The following TCAIM variants were observed in gnomAD, a reference collection of about 807,000 sequenced individuals.
The protein encoded by TCAIM is T cell activation inhibitor, mitochondrial.
In TCAIM, 36 loss-of-function variants were observed where a neutral mutation model predicts 58.6. The observed-to-expected ratio is 0.61, with a 90% CI of 0.47 to 0.81. TCAIM has a LOEUF of 0.81. Among genes scored for constraint, TCAIM ranks in the 30% least tolerant of loss-of-function variants. The pLI is 0.00. For missense variants in TCAIM, 466 were observed against 579.6 expected, an observed-to-expected ratio of 0.80 and a Z score of 2.01; for synonymous variants, 172 against 193.6, an observed-to-expected ratio of 0.89 and a Z score of 0.93.
rs759182014 is a variant in TCAIM, at chr3:44,400,512, T to G, written c.1043T>G (p.Phe348Cys). The change falls in exon 9 of 11, where the codon TTT becomes TGT. Residue 348 changes from phenylalanine to cysteine, a missense_variant. Transcript: ENST00000342649. Reference protein sequence around the residue: ...LEEYYSLLDVFYNRLLKSRIL... With the variant: ...LEEYYSLLDVCYNRLLKSRIL... ...GAATATTACTCTCTTCTTGATGTGT[T>G]TTATAATAGACTGTTGAAAAGTAGA... 6.2e-7 allele frequency: 1 copy of G among 1,613,814 alleles called. No homozygotes were observed. The highest frequency in any genetic ancestry group is 1.7e-5 in the Admixed American group (1 of 60,014).
At chr3:44,386,866 C>G (rs1701751694) in intron 5 of TCAIM, among the ~76,000 whole-genome samples, 1 of 152,200 alleles carries the variant, frequency 6.6e-6, no homozygotes. Flanking sequence ...TAGATAGGTT[C>G]CTGGGCAGAA....
chr3:44,396,651 T>A, intron 7 of TCAIM, 92 bp from the exon 8 acceptor site: 1 of 1,468,896 alleles, frequency 6.8e-7, no homozygotes, highest in Non-Finnish European at 9.4e-7. Context: ...AAGCTTCTAC[T>A]GAATTTAATC....
At chr3:44,360,520 T>C (rs1701278878) in intron 3 of TCAIM, among the ~76,000 whole-genome samples, 1 of 151,972 alleles carries the variant, frequency 6.6e-6, no homozygotes, top group Admixed American at 6.6e-5. Context: ...CAAAACTAAA[T>C]ACAAAGTTTA....
intron 9 of TCAIM, chr3:44,400,826 T>G (rs987451912): frequency 1.8e-6 from 1 of 542,428 alleles, no homozygotes; most frequent in Admixed American, 3.4e-5. Context: ...CTGGGCAAAG[T>G]CAATCCAATG....
intron 5 of TCAIM, among the ~76,000 whole-genome samples, chr3:44,377,995 C>T (rs1441100795): frequency 2.0e-5 from 3 of 152,140 alleles, no homozygotes; most frequent in African/African-American, 7.2e-5. Flanking sequence ...GATATATCAA[C>T]AGAGTAAACA....
At chr3:44,347,677 G>T (rs986088742) in intron 1 of TCAIM, among the ~76,000 whole-genome samples, 4 of 152,190 alleles carry the variant, frequency 2.6e-5, no homozygotes, top group African/African-American at 7.2e-5. Context: ...AAATGGAATT[G>T]TAAGGAGAGT....
At chr3:44,403,891 C>T (rs1317152502) in intron 10 of TCAIM, among the ~76,000 whole-genome samples, 1 of 152,108 alleles carries the variant, frequency 6.6e-6, no homozygotes, top group Non-Finnish European at 1.5e-5. Context: ...CAGGCTTCCA[C>T]ACTCAGCATC....
intron 4 of TCAIM, among the ~76,000 whole-genome samples, chr3:44,366,758 G>A (rs1374909516): frequency 1.3e-5 from 2 of 151,486 alleles, no homozygotes; most frequent in Non-Finnish European, 2.9e-5. Flanking sequence ...GAGCCACCGC[G>A]CCCGGCCTAA....
At chr3:44,388,100 A>G (rs890899455) in intron 5 of TCAIM, among the ~76,000 whole-genome samples, 45 of 151,998 alleles carry the variant, frequency 3.0e-4, no homozygotes, top group African/African-American at 1.1e-3. Flanking sequence ...AGTAAGTTGC[A>G]GCCACAATGT....
At chr3:44,344,212 A>G (rs1242845347) in intron 1 of TCAIM, among the ~76,000 whole-genome samples, 1 of 152,010 alleles carries the variant, frequency 6.6e-6, no homozygotes, top group Non-Finnish European at 1.5e-5. Flanking sequence ...GGGTTTTGCC[A>G]TGTTGGCCAG....
At chr3:44,358,131 A>C in intron 3 of TCAIM, 2 of 1,482,912 alleles carry the variant, frequency 1.3e-6, no homozygotes, top group Non-Finnish European at 1.8e-6. Flanking sequence ...TTTTGGTACC[A>C]ATTTTTGAAG....
At chr3:44,366,332 G>C (rs1453680505) in intron 4 of TCAIM, among the ~76,000 whole-genome samples, 1 of 151,488 alleles carries the variant, frequency 6.6e-6, no homozygotes, top group Admixed American at 6.6e-5. Flanking sequence ...CTGTCACCCA[G>C]GCTAGAGTGC....
rs146369697 is a variant in TCAIM, at chr3:44,380,393, A to G, written c.573-12462A>G. Among the ~76,000 whole-genome samples the G allele has an allele frequency of 7.6e-4, 115 of 152,288 alleles. 1 individual carries two copies. The highest frequency in any genetic ancestry group is 2.4e-3 in the African/African-American group (101 of 41,578). ...ACTGAATGTACCCTGAAAATTTTAA[A>G]AAAATGTATGATTAACAATTTTGAG... On this transcript the variant is annotated intron_variant, in intron 5 of 10. Coordinates refer to ENST00000342649, the MANE Select transcript of TCAIM (RefSeq NM_173826.4).
chr3:44,372,028 A>AGGAG, intron 5 of TCAIM, among the ~76,000 whole-genome samples: 1 of 139,078 alleles, frequency 7.2e-6, no homozygotes, highest in East Asian at 2.2e-4. Context: ...GAAGGAAGGA[A>AGGAG]GGAAGGAAGG....
intron 1 of TCAIM, among the ~76,000 whole-genome samples, chr3:44,344,424 A>G (rs1700922232): frequency 6.6e-6 from 1 of 152,196 alleles, no homozygotes; most frequent in Non-Finnish European, 1.5e-5. Context: ...GTGTCAAACT[A>G]TCATAAACCA....
intron 5 of TCAIM, among the ~76,000 whole-genome samples, chr3:44,371,579 G>A (rs1171774859): frequency 6.6e-6 from 1 of 152,132 alleles, no homozygotes; most frequent in Non-Finnish European, 1.5e-5. Flanking sequence ...CCCTTTACCA[G>A]CATGTCTTAC....
At chr3:44,374,894 A>G (rs914068090) in intron 5 of TCAIM, among the ~76,000 whole-genome samples, 5 of 152,194 alleles carry the variant, frequency 3.3e-5, no homozygotes, top group Non-Finnish European at 7.4e-5. Context: ...AATTTATGCA[A>G]TTTTAACTTT....
Position 44,354,919 on chromosome 3 carries a change from A to G in TCAIM, c.29+108A>G, listed in dbSNP as rs1201430719. 2.3e-6 allele frequency: 3 copies of G among 1,316,578 alleles called. No homozygotes were observed. In the East Asian group the frequency reaches 7.3e-5, roughly 32 times the overall value. The allele number at this position is 1,316,578 out of a possible 1,614,324, so 81.6% of individuals were successfully genotyped here. ...ATTTTTCCAATTCTGAAGTTATATT[A>G]TGGTGGAAAGCTGGAACAAAAAGAA... is the stretch of plus-strand genomic sequence containing the variant. On this transcript the variant is annotated intron_variant, in intron 2 of 10. Coordinates refer to ENST00000342649, the MANE Select transcript of TCAIM (RefSeq NM_173826.4).
At chr3:44,394,365 A>G (rs535312817) in intron 6 of TCAIM, among the ~76,000 whole-genome samples, 148 of 152,262 alleles carry the variant, frequency 9.7e-4, no homozygotes, top group Admixed American at 1.7e-3. Flanking sequence ...TTCCCATTCC[A>G]TAGTCTATTA....
Sources: allele counts gnomAD v4.1 joint callset (sites outside exome capture counted in the v4.1 genomes callset), GRCh38; gene constraint gnomAD v4.1.1; transcripts MANE v1.5; gene names NCBI Gene and HGNC (gene_info 2026-07-23, HGNC 2026-07-21).